The following TLN2 variants were observed in gnomAD, a reference collection of about 807,000 sequenced individuals.
The protein encoded by TLN2 is talin 2.
Under a neutral mutation model 294.7 loss-of-function variants are expected in TLN2, and 118 were observed. That is an observed-to-expected ratio of 0.40 (90% CI 0.34 to 0.47). The LOEUF (loss-of-function observed/expected upper bound fraction) is 0.47, where lower values mean the gene tolerates loss of function less well. Ranked by LOEUF, TLN2 falls within the 20% of genes least tolerant of loss-of-function variation. TLN2 has a pLI of 0.84. For missense variants in TLN2, 3,083 were observed against 3,282.2 expected (o/e 0.94, Z 1.48); for synonymous variants, 1,431 against 1,304.5 (o/e 1.10, Z -2.09).
chr15:62,674,021 C>G (rs2055824134), intron 10 of TLN2, 131 bp downstream of exon 10: 5 of 590,540 alleles, frequency 8.5e-6, no homozygotes, highest in East Asian at 2.9e-5. Flanking sequence ...ATTAGTGACT[C>G]AAGAGTATAG....
chr15:62,550,404 C>T (rs994311777), intron 1 of TLN2, among the ~76,000 whole-genome samples: 3 of 152,122 alleles, frequency 2.0e-5, no homozygotes, highest in Admixed American at 2.0e-4. Context: ...AAGTCGGCCT[C>T]CCAGTTGGAA....
At chr15:62,520,653 T>C (rs952647204) in intron 1 of TLN2, among the ~76,000 whole-genome samples, 1 of 152,214 alleles carries the variant, frequency 6.6e-6, no homozygotes, top group South Asian at 2.1e-4. Context: ...ACCAAGGAGG[T>C]GGTTGGAAAG....
intron 1 of TLN2, among the ~76,000 whole-genome samples, chr15:62,440,365 C>G (rs890136390): frequency 6.6e-6 from 1 of 152,226 alleles, no homozygotes; most frequent in African/African-American, 2.4e-5. Context: ...CTAATTCTTA[C>G]ATATCTTCCC....
At position 62,675,416 on chromosome 15, in the gene TLN2, C is replaced by A. The variant is rs1445772071; in HGVS notation, c.957+95C>A. 120 of 1,266,640 alleles carry A rather than the reference C, an allele frequency of 9.5e-5. No individual in the cohort carries two copies. In the East Asian group the frequency reaches 2.9e-3, roughly 30 times the overall value. The allele number at this position is 1,266,640 out of a possible 1,614,324, so 78.5% of individuals were successfully genotyped here. On this transcript the variant is annotated intron_variant, in intron 11 of 58. Coordinates refer to ENST00000636159, the MANE Select transcript of TLN2 (RefSeq NM_015059.3). ...GTTAAGCCTGGTTTGTCCTGCTCAC[C>A]CCCCTAGCATTTGCGGGTGGAACAT... is the stretch of plus-strand genomic sequence containing the variant.
intron 11 of TLN2, among the ~76,000 whole-genome samples, chr15:62,676,222 C>T (rs920342620): frequency 2.6e-5 from 4 of 152,182 alleles, no homozygotes; most frequent in African/African-American, 9.6e-5. Flanking sequence ...TTCTTGACCC[C>T]ACTCCTCATC....
chr15:62,507,138 A>G (rs2039663679), intron 1 of TLN2, among the ~76,000 whole-genome samples: 1 of 152,244 alleles, frequency 6.6e-6, no homozygotes, highest in Non-Finnish European at 1.5e-5. Context: ...CAGAAGGAGA[A>G]AAAGAAGGAT....
intron 1 of TLN2, among the ~76,000 whole-genome samples, chr15:62,456,040 C>T (rs2036457833): frequency 6.6e-6 from 1 of 151,616 alleles, no homozygotes; most frequent in Admixed American, 6.6e-5. Context: ...ATCTATTAAC[C>T]TGCTGGGTGA....
Position 62,612,211 on chromosome 15 carries a change from T to A in TLN2, c.-161-6140T>A, listed in dbSNP as rs1474610609. The stretch of plus-strand genomic sequence containing the variant: ...CTACGATCCTTCTACCTGTATATCA[T>A]CTTGCTAATAGAGCAGTTTCCTTCC... On this transcript the variant is annotated intron_variant, in intron 2 of 58. Transcript: ENST00000636159. 3.3e-5 allele frequency among the ~76,000 whole-genome samples: 5 copies of A among 152,346 alleles called. No homozygotes were observed. In the East Asian group the frequency reaches 9.6e-4, roughly 29 times the overall value.
At chr15:62,599,194 G>A (rs1426411832) in intron 2 of TLN2, among the ~76,000 whole-genome samples, 1 of 152,126 alleles carries the variant, frequency 6.6e-6, no homozygotes, top group Non-Finnish European at 1.5e-5. Flanking sequence ...TTTAGAGCTG[G>A]GCCTCAGTTA....
chr15:62,815,177 TCACACACACACACACACACACACACA>T lies in TLN2; in HGVS notation c.6772-4309_6772-4284del, dbSNP rs3055852. ...AAACTGGAGATTTTTATTCTGTCTG[TCACACACACACACACACACACACACA>T]CACACACACACACACACACACACAC... On this transcript the variant is annotated intron_variant, in intron 52 of 58. Transcript: ENST00000636159. 1.0e-3 allele frequency among the ~76,000 whole-genome samples: 143 copies of T among 140,688 alleles called. 1 individual carries two copies. Among genetic ancestry groups the T allele is most frequent in the African/African-American group, 3.8e-3 (139 of 36,372 alleles). 92.3% of individuals were successfully genotyped at this position (140,688 alleles called of 152,430 possible).
At chr15:62,544,682 C>A (rs1464459708) in intron 1 of TLN2, among the ~76,000 whole-genome samples, 1 of 151,584 alleles carries the variant, frequency 6.6e-6, no homozygotes, top group Non-Finnish European at 1.5e-5. Flanking sequence ...ATCATCTACC[C>A]TTTTAAGAGA....
At chr15:62,621,564 C>T (rs2048830754) in intron 3 of TLN2, among the ~76,000 whole-genome samples, 1 of 152,146 alleles carries the variant, frequency 6.6e-6, no homozygotes, top group East Asian at 1.9e-4. Context: ...AAGTTCAGGT[C>T]CTCATGCTGT....
At chr15:62,403,194 T>A (rs1271702639) in intron 1 of TLN2, among the ~76,000 whole-genome samples, 1 of 148,712 alleles carries the variant, frequency 6.7e-6, no homozygotes, top group African/African-American at 2.5e-5. Flanking sequence ...GCCGAGATCG[T>A]GTGACAAAGC....
intron 51 of TLN2, among the ~76,000 whole-genome samples, chr15:62,809,571 C>T (rs2066533961): frequency 6.6e-6 from 1 of 152,158 alleles, no homozygotes; most frequent in Non-Finnish European, 1.5e-5. Context: ...GTCAGTACGT[C>T]TCCAGCTGTA....
At chr15:62,599,214 G>T (rs1240590323) in intron 2 of TLN2, among the ~76,000 whole-genome samples, 1 of 152,200 alleles carries the variant, frequency 6.6e-6, no homozygotes, top group Admixed American at 6.5e-5. Flanking sequence ...ACTTAAGGAG[G>T]AGACATTTGG....
chr15:62,455,503 T>G (rs2036423492), intron 1 of TLN2, among the ~76,000 whole-genome samples: 1 of 152,166 alleles, frequency 6.6e-6, no homozygotes, highest in Admixed American at 6.5e-5. Context: ...TTTGTTTGTT[T>G]TTTTAACCAC....
chr15:62,412,178 C>A (rs1344025765), intron 1 of TLN2, among the ~76,000 whole-genome samples: 1 of 152,280 alleles, frequency 6.6e-6, no homozygotes, highest in East Asian at 1.9e-4. Flanking sequence ...TCCAGACCTA[C>A]GGACTTAGAA....
In TLN2 at chr15:62,697,748, G is replaced by C. The variant is rs372984234; in HGVS notation, c.1353G>C (p.Ala451=). Residue 451 remains alanine, a synonymous_variant, in exon 15 of 59, where the codon GCG becomes GCC. Transcript: ENST00000636159. ...RTGKAEHGSV[A]LPAVMRSGSS... is the part of the protein sequence containing the mutation. The stretch of plus-strand genomic sequence containing the variant: ...GGAAGGCAGAGCACGGCTCAGTGGC[G>C]CTGCCGGCCGTGATGCGCTCGGGCT... The C allele has an allele frequency of 1.6e-5, 25 of 1,611,608 alleles. No individual in the cohort carries two copies. The highest frequency in any genetic ancestry group is 2.1e-5 in the Non-Finnish European group (25 of 1,178,562).
chr15:62,691,749 A>G (rs1305794601), intron 12 of TLN2, among the ~76,000 whole-genome samples: 2 of 151,990 alleles, frequency 1.3e-5, no homozygotes, highest in Non-Finnish European at 2.9e-5. Context: ...TGGTGTGATC[A>G]TAGCTCACCT....
Sources: gnomAD v4.1 joint callset for allele counts (sites outside exome capture counted in the v4.1 genomes callset) on GRCh38, gnomAD v4.1.1 for gene constraint, MANE v1.5 for transcripts, NCBI Gene and HGNC (gene_info 2026-07-23, HGNC 2026-07-21) for gene names.